The following L3MBTL3 variants were observed in gnomAD, a reference collection of about 807,000 sequenced individuals.
L3MBTL3 encodes lethal(3)malignant brain tumor-like protein 3.
L3MBTL3 carries 27 observed loss-of-function variants against 102.3 expected under a neutral mutation model. The ratio of observed to expected loss-of-function variants is 0.26; its 90% confidence interval spans 0.19 to 0.36. The LOEUF (loss-of-function observed/expected upper bound fraction) is 0.36. Ranked by LOEUF, L3MBTL3 falls within the 10% of genes least tolerant of loss-of-function variation. The probability of loss-of-function intolerance (pLI) is 1.00; values close to 1 mark genes in which losing one functional copy is unlikely to be tolerated. For synonymous variants in L3MBTL3, 340 were observed against 320.9 expected, an observed-to-expected ratio of 1.06 and a Z score of -0.64; for missense variants, 798 against 955.3, an observed-to-expected ratio of 0.84 and a Z score of 2.17.
chr6:130,024,491 T>C (rs1779211246), intron 2 of L3MBTL3, among the ~76,000 whole-genome samples: 1 of 152,206 alleles, frequency 6.6e-6, no homozygotes, highest in South Asian at 2.1e-4. Context: ...TCCTGTTTAA[T>C]TAGTCCCTGA....
In L3MBTL3 at chr6:130,055,124, G is replaced by A. The variant is rs532458201; in HGVS notation, c.583-47G>A. 8.3e-5 allele frequency: 117 copies of A among 1,413,512 alleles called. No homozygotes were observed. In the South Asian group the frequency reaches 1.3e-3, roughly 15 times the overall value. 87.6% of individuals were successfully genotyped at this position (1,413,512 alleles called of 1,614,324 possible). On this transcript the variant is annotated intron_variant, in intron 7 of 22. Transcript: ENST00000361794. ...GATAGCTCTCTAACTATTCACTGGT[G>A]CCAATTTCTTGAACTTTAAAGTCAT...
At chr6:130,098,709 CAG>C (rs1189544922) in intron 18 of L3MBTL3, among the ~76,000 whole-genome samples, 3 of 152,036 alleles carry the variant, frequency 2.0e-5, no homozygotes, top group East Asian at 1.9e-4. Context: ...GATGAGGAGA[CAG>C]AGAATTGAAA....
intron 13 of L3MBTL3, among the ~76,000 whole-genome samples, chr6:130,076,052 T>C (rs1193844774): frequency 6.6e-6 from 1 of 152,084 alleles, no homozygotes; most frequent in Non-Finnish European, 1.5e-5. Context: ...TGGGGTTTAG[T>C]AGTAAAGTGC....
chr6:130,102,683 T>G (rs79343541), intron 18 of L3MBTL3, among the ~76,000 whole-genome samples: 3,223 of 152,296 alleles, frequency 0.021, 106 homozygotes, highest in African/African-American at 0.073. Flanking sequence ...CTTTTCCTGT[T>G]GGCACTGCTC....
intron 2 of L3MBTL3, among the ~76,000 whole-genome samples, chr6:130,024,779 G>A (rs1051169572): frequency 8.5e-5 from 13 of 152,080 alleles, no homozygotes; most frequent in African/African-American, 2.4e-4. Flanking sequence ...CTCTTGAGGA[G>A]TTCTAGAGAT....
chr6:130,075,885 A>G (rs1211199999), intron 13 of L3MBTL3, among the ~76,000 whole-genome samples: 1 of 152,226 alleles, frequency 6.6e-6, no homozygotes, highest in Non-Finnish European at 1.5e-5. Context: ...GAGGGTGATG[A>G]GATGCTATCA....
intron 2 of L3MBTL3, among the ~76,000 whole-genome samples, chr6:130,039,327 A>G (rs745882839): frequency 1.3e-5 from 2 of 152,256 alleles, no homozygotes; most frequent in East Asian, 3.9e-4. Flanking sequence ...AAAAAAAAGC[A>G]ACAGTATTTC....
At chr6:130,058,092 G>A (rs1318660281) in intron 9 of L3MBTL3, among the ~76,000 whole-genome samples, 5 of 144,394 alleles carry the variant, frequency 3.5e-5, no homozygotes, top group Non-Finnish European at 7.4e-5. Flanking sequence ...GCAGTGAGCC[G>A]AGATTGCGCC....
chr6:130,023,257 A>G (rs1779126085), intron 2 of L3MBTL3, among the ~76,000 whole-genome samples: 1 of 152,208 alleles, frequency 6.6e-6, no homozygotes, highest in Non-Finnish European at 1.5e-5. Flanking sequence ...CTAATTATTG[A>G]TATAAAAATG....
chr6:130,054,887 CAG>C (rs1474893317), intron 7 of L3MBTL3, among the ~76,000 whole-genome samples: 1 of 152,194 alleles, frequency 6.6e-6, no homozygotes, highest in African/African-American at 2.4e-5. Context: ...TGAGGAAAAT[CAG>C]AGCAGAGCGG....
At chr6:130,073,640 C>T (rs73780205) in intron 13 of L3MBTL3, among the ~76,000 whole-genome samples, 3,065 of 152,016 alleles carry the variant, frequency 0.02, 115 homozygotes, top group African/African-American at 0.071. Flanking sequence ...CCTTTGAAAA[C>T]ATTCATGTGG....
intron 16 of L3MBTL3, among the ~76,000 whole-genome samples, chr6:130,091,943 G>A (rs773843986): frequency 2.0e-5 from 3 of 151,868 alleles, no homozygotes; most frequent in Non-Finnish European, 4.4e-5. Flanking sequence ...CTAGTATCTG[G>A]TAGCACATTA....
At chr6:130,024,833 A>G (rs148776991) in intron 2 of L3MBTL3, among the ~76,000 whole-genome samples, 17 of 152,282 alleles carry the variant, frequency 1.1e-4, no homozygotes, top group Admixed American at 2.0e-4. Flanking sequence ...TAATAATAGT[A>G]TAACAGTTGC....
At chr6:130,131,825 A>G (rs973931447) in intron 20 of L3MBTL3, among the ~76,000 whole-genome samples, 6 of 152,150 alleles carry the variant, frequency 3.9e-5, no homozygotes, top group Non-Finnish European at 5.9e-5. Flanking sequence ...GGACGACCAG[A>G]GGTCACTTGG....
chr6:130,135,070 CTTTTTTTTTTT>C (rs5880000), intron 22 of L3MBTL3, among the ~76,000 whole-genome samples: 1 of 127,414 alleles, frequency 7.8e-6, no homozygotes, highest in South Asian at 2.6e-4. Flanking sequence ...CTGTTTTTTC[CTTTTTTTTTTT>C]TTTTTTTTTA....
chr6:130,043,648 G>C (rs1344050091), intron 3 of L3MBTL3, among the ~76,000 whole-genome samples: 1 of 152,116 alleles, frequency 6.6e-6, no homozygotes, highest in Non-Finnish European at 1.5e-5. Flanking sequence ...CCATTGCTGG[G>C]CTTACCTCTC....
At chr6:130,021,863 T>C (rs960574324) in intron 1 of L3MBTL3, among the ~76,000 whole-genome samples, 1 of 152,212 alleles carries the variant, frequency 6.6e-6, no homozygotes, top group African/African-American at 2.4e-5. Context: ...GGCAAAAATT[T>C]TATGTAATAT....
In L3MBTL3 at chr6:130,052,662, G is replaced by A. The variant is rs1049236481; in HGVS notation, c.450-197G>A. ...GTAATTTTCATTTTCTGCCCTGACAGACAGATGTCATATGTAATAGTTGTT... is the reference window on the plus strand; with the variant it reads ...GTAATTTTCATTTTCTGCCCTGACAAACAGATGTCATATGTAATAGTTGTT... On this transcript the variant is annotated intron_variant, in intron 6 of 22. Coordinates refer to ENST00000361794, the MANE Select transcript of L3MBTL3 (RefSeq NM_032438.4). Among the ~76,000 whole-genome samples the A allele has an allele frequency of 7.2e-5, 11 of 152,206 alleles. No individual in the cohort carries two copies. The East Asian group carries it at 2.1e-3, about 29-fold the overall frequency.
chr6:130,065,503 A>G (rs781232551), intron 10 of L3MBTL3, among the ~76,000 whole-genome samples: 5 of 152,202 alleles, frequency 3.3e-5, no homozygotes, highest in Non-Finnish European at 7.3e-5. Context: ...CATGACAGTA[A>G]CTGTACAGCT....
Sources: allele counts gnomAD v4.1 joint callset (sites outside exome capture counted in the v4.1 genomes callset), GRCh38; gene constraint gnomAD v4.1.1; transcripts MANE v1.5; gene names NCBI Gene and HGNC (gene_info 2026-07-23, HGNC 2026-07-21).